ASTN1: variants seen among roughly 807,000 people sequenced by gnomAD.
ASTN1 encodes astrotactin-1.
A neutral mutation model predicts 140.7 loss-of-function variants in ASTN1; 41 were observed. That is an observed-to-expected ratio of 0.29 (90% CI 0.23 to 0.38). The LOEUF is 0.38. Ranked by LOEUF, ASTN1 falls within the 10% of genes least tolerant of loss-of-function variation. The pLI is 1.00. For synonymous variants in ASTN1, 640 were observed against 652.2 expected (o/e 0.98, Z 0.29); for missense variants, 1,479 against 1,678.8 (o/e 0.88, Z 2.08).
intron 15 of ASTN1, among the ~76,000 whole-genome samples, chr1:176,934,750 C>T (rs1463227503): frequency 1.3e-5 from 2 of 151,950 alleles, no homozygotes; most frequent in African/African-American, 4.8e-5. Context: ...CATTTCACAT[C>T]GTGAAGATAA....
intron 16 of ASTN1, among the ~76,000 whole-genome samples, chr1:176,928,078 C>T (rs141584682): frequency 2.0e-3 from 298 of 150,254 alleles, no homozygotes; most frequent in Middle Eastern, 0.011. Context: ...ATATATATTA[C>T]ATATAAATAT....
intron 16 of ASTN1, among the ~76,000 whole-genome samples, chr1:176,933,061 G>A (rs1671276788): frequency 6.6e-6 from 1 of 152,242 alleles, no homozygotes. Flanking sequence ...TTGTTTCTGA[G>A]TTCACAGGAA....
intron 21 of ASTN1, among the ~76,000 whole-genome samples, chr1:176,873,377 G>A (rs1668429560): frequency 1.3e-5 from 2 of 152,112 alleles, no homozygotes. Flanking sequence ...GCAAAACATC[G>A]GTAGAAACTT....
At chr1:177,038,048 C>T (rs1199189461) in intron 2 of ASTN1, among the ~76,000 whole-genome samples, 1 of 151,972 alleles carries the variant, frequency 6.6e-6, no homozygotes, top group Non-Finnish European at 1.5e-5. Flanking sequence ...TGGTAATTGC[C>T]GAAGGATGGA....
intron 1 of ASTN1, among the ~76,000 whole-genome samples, chr1:177,084,387 G>T (rs1679324722): frequency 1.3e-5 from 2 of 152,296 alleles, no homozygotes; most frequent in Non-Finnish European, 1.5e-5. Flanking sequence ...TCACAGAGGT[G>T]CCAACGAGTG....
At chr1:176,990,300 A>T (rs1674099383) in intron 8 of ASTN1, among the ~76,000 whole-genome samples, 1 of 152,120 alleles carries the variant, frequency 6.6e-6, no homozygotes, top group Admixed American at 6.6e-5. Context: ...AAAACCCCTA[A>T]AAAGAGAAAA....
At chr1:176,903,738 C>CTA (rs925150547) in intron 16 of ASTN1, among the ~76,000 whole-genome samples, 17 of 152,246 alleles carry the variant, frequency 1.1e-4, no homozygotes, top group African/African-American at 4.1e-4. Flanking sequence ...CCTAGGGCTG[C>CTA]TATAACAAAC....
Position 176,892,142 on chromosome 1 carries a change from G to T in ASTN1, c.2940+2420C>A, listed in dbSNP as rs2103036069. 4.6e-5 allele frequency among the ~76,000 whole-genome samples: 7 copies of T among 152,320 alleles called. 1 individual carries two copies. In the South Asian group the frequency reaches 1.5e-3, roughly 32 times the overall value. On this transcript the variant is annotated intron_variant, in intron 17 of 22. Coordinates refer to ENST00000361833, the MANE Select transcript of ASTN1 (RefSeq NM_004319.3). ...TAGAGTGGTAACAACCTAAGTAAGTGAAGACAAAATTGGATCATGAGCTGC... is the reference window on the plus strand; with the variant it reads ...TAGAGTGGTAACAACCTAAGTAAGTTAAGACAAAATTGGATCATGAGCTGC...
intron 5 of ASTN1, among the ~76,000 whole-genome samples, chr1:177,027,713 AGTGTGTGTGTGTGTGTGTGTGT>A (rs56405518): frequency 9.3e-5 from 11 of 118,660 alleles, no homozygotes; most frequent in East Asian, 7.3e-4. Flanking sequence ...AACCCAGTAC[AGTGTGTGTGTGTGTGTGTGTGT>A]GTGTGTGTGT....
chr1:177,057,464 T>C lies in ASTN1; in HGVS notation c.471+3614A>G, dbSNP rs146638590. ...ATAGAAATAAACAGTGGTCTCTGCATTGAGGAAATATGGATAAAAAAGTAT... is the reference window on the plus strand; with the variant it reads ...ATAGAAATAAACAGTGGTCTCTGCACTGAGGAAATATGGATAAAAAAGTAT... On this transcript the variant is annotated intron_variant, in intron 2 of 22. Transcript: ENST00000361833. 2.8e-3 allele frequency among the ~76,000 whole-genome samples: 433 copies of C among 152,332 alleles called. 2 individuals are homozygous for C. The highest frequency in any genetic ancestry group is 0.01 in the South Asian group (49 of 4,828).
intron 2 of ASTN1, among the ~76,000 whole-genome samples, chr1:177,036,791 A>G (rs1178644905): frequency 6.6e-6 from 1 of 151,982 alleles, no homozygotes; most frequent in East Asian, 1.9e-4. Context: ...TCAATAAACC[A>G]TAGGTCTTGG....
intron 1 of ASTN1, among the ~76,000 whole-genome samples, chr1:177,136,633 C>T (rs376789326): frequency 4.6e-5 from 7 of 152,110 alleles, no homozygotes; most frequent in East Asian, 1.9e-4. Context: ...GGATTACAGG[C>T]GTCAGCCACT....
intron 2 of ASTN1, among the ~76,000 whole-genome samples, chr1:177,040,928 T>G (rs1676939524): frequency 6.6e-6 from 1 of 152,156 alleles, no homozygotes; most frequent in Non-Finnish European, 1.5e-5. Flanking sequence ...TAGAACTGCT[T>G]TTTTCCGTTC....
Position 177,024,738 on chromosome 1 carries a change from A to T in ASTN1, c.1121-6T>A, listed in dbSNP as rs1164334986. 1 of 1,612,192 alleles carries T rather than the reference A, an allele frequency of 6.2e-7. No homozygotes were observed. Among genetic ancestry groups the T allele is most frequent in the Admixed American group, 1.7e-5 (1 of 59,964 alleles). ...AGGACTTCGGGGAGAACCCACTGAAAGTGAGACAAAAGCAAGATACATGGT... is the reference window on the plus strand; with the variant it reads ...AGGACTTCGGGGAGAACCCACTGAATGTGAGACAAAAGCAAGATACATGGT... On this transcript the variant is annotated splice_polypyrimidine_tract_variant and splice_region_variant and intron_variant, in intron 5 of 22. Transcript: ENST00000361833.
intron 1 of ASTN1, among the ~76,000 whole-genome samples, chr1:177,148,209 G>A (rs962924304): frequency 1.3e-5 from 2 of 152,068 alleles, no homozygotes; most frequent in Non-Finnish European, 2.9e-5. Flanking sequence ...ACAAGGTCAG[G>A]AGATCAAGAC....
chr1:176,978,129 T>C (rs78975002), intron 8 of ASTN1, among the ~76,000 whole-genome samples: 119 of 152,248 alleles, frequency 7.8e-4, no homozygotes, highest in African/African-American at 2.6e-3. Context: ...AATAATAGTA[T>C]GACCAAAGGC....
At chr1:177,088,973 G>T (rs1253517360) in intron 1 of ASTN1, among the ~76,000 whole-genome samples, 1 of 152,006 alleles carries the variant, frequency 6.6e-6, no homozygotes, top group Non-Finnish European at 1.5e-5. Flanking sequence ...CTGGCTCGGG[G>T]GCAGGGAAAG....
At chr1:177,091,572 A>G (rs532491348) in intron 1 of ASTN1, among the ~76,000 whole-genome samples, 1 of 152,276 alleles carries the variant, frequency 6.6e-6, no homozygotes, top group South Asian at 2.1e-4. Flanking sequence ...ATACCATAAA[A>G]TTTACTCTTT....
At chr1:176,859,499 C>T (rs1667899815), downstream of ASTN1, among the ~76,000 whole-genome samples, 1 of 152,078 alleles carries the variant, frequency 6.6e-6, no homozygotes, top group African/African-American at 2.4e-5. Context: ...TTTAAAAGAC[C>T]CCTGGCCGGG....
Sources: allele counts gnomAD v4.1 joint callset (sites outside exome capture counted in the v4.1 genomes callset), GRCh38; gene constraint gnomAD v4.1.1; transcripts MANE v1.5; gene names NCBI Gene and HGNC (gene_info 2026-07-23, HGNC 2026-07-21).